BAZ1B: variants seen among roughly 807,000 people sequenced by gnomAD.
The protein encoded by BAZ1B is bromodomain adjacent to zinc finger domain 1B.
Under a neutral mutation model 153.8 loss-of-function variants are expected in BAZ1B, and 22 were observed. That is an observed-to-expected ratio of 0.14 (90% CI 0.10 to 0.20). The LOEUF is 0.20. Among genes scored for constraint, BAZ1B ranks in the 10% least tolerant of loss-of-function variants. The pLI, the probability that BAZ1B is intolerant of heterozygous loss-of-function variation, is 1.00. For missense variants in BAZ1B, 1,325 were observed against 1,799.3 expected (o/e 0.74, Z 4.77); for synonymous variants, 676 against 633.4 (o/e 1.07, Z -1.01).
At chr7:73,486,562 G>A (rs1254086377) in intron 6 of BAZ1B, among the ~76,000 whole-genome samples, 4 of 152,072 alleles carry the variant, frequency 2.6e-5, no homozygotes, top group Non-Finnish European at 5.9e-5. Flanking sequence ...TCCTGACCTC[G>A]TGATCCGCCC....
chr7:73,502,326 T>C (rs1024541761), intron 3 of BAZ1B, among the ~76,000 whole-genome samples: 1 of 152,074 alleles, frequency 6.6e-6, no homozygotes, highest in Non-Finnish European at 1.5e-5. Flanking sequence ...GGACAATGTT[T>C]GTGGCACGCT....
intron 10 of BAZ1B, 148 bp downstream of exon 10, chr7:73,466,148 T>C (rs190765728): frequency 4.3e-4 from 249 of 582,040 alleles, no homozygotes; most frequent in East Asian, 3.5e-3. Context: ...GGTCTGCTAA[T>C]GCAAGAAGTT....
intron 1 of BAZ1B, among the ~76,000 whole-genome samples, chr7:73,514,168 T>C (rs1474548106): frequency 2.6e-5 from 4 of 152,134 alleles, no homozygotes; most frequent in African/African-American, 9.7e-5. Context: ...TTCTGATTTA[T>C]GGATTTGGGA....
In BAZ1B at chr7:73,444,065, C is replaced by T. The variant is rs782431272; in HGVS notation, c.3909G>A (p.Arg1303=). The T allele has an allele frequency of 6.2e-7, 1 of 1,613,646 alleles. No homozygotes were observed. The change falls in exon 17 of 20, where the codon CGG becomes CGA. Residue 1303 remains arginine, a synonymous_variant. Transcript: ENST00000339594. ...SVIPPAARSG[R]RPGKKPHSTR... is the part of the protein sequence containing the mutation. ...TAGAGTGTGGCTTCTTACCCGGGCG[C>T]CGGCCTGACCTTGCTGCAGGGGGGA...
At chr7:73,472,401 G>C (rs1408148249) in intron 7 of BAZ1B, among the ~76,000 whole-genome samples, 1 of 152,080 alleles carries the variant, frequency 6.6e-6, no homozygotes, top group Non-Finnish European at 1.5e-5. Context: ...TGGGATTACA[G>C]GCATGTGTCA....
At chr7:73,453,407 A>T (rs1368982143) in intron 13 of BAZ1B, among the ~76,000 whole-genome samples, 2 of 152,270 alleles carry the variant, frequency 1.3e-5, no homozygotes, top group East Asian at 3.8e-4. Flanking sequence ...ACTGTGGAAC[A>T]CAGTACTTCA....
chr7:73,492,665 T>G (rs1789699083), intron 5 of BAZ1B, 135 bp downstream of exon 5: 1 of 816,796 alleles, frequency 1.2e-6, no homozygotes, highest in Non-Finnish European at 1.8e-6. Context: ...TTAATTACTG[T>G]AACTACAAAA....
chr7:73,510,657 A>G, intron 2 of BAZ1B, 79 bp downstream of exon 2: 1 of 1,350,356 alleles, frequency 7.4e-7, no homozygotes, highest in Non-Finnish European at 1.1e-6. Context: ...TTAAATACAC[A>G]TACTGCTTTA....
rs1261015509 is a variant in BAZ1B at position 73,441,296 on chromosome 7, G to A, written c.*413C>T. Reference sequence around the variant, plus strand: ...ATGTTCTTTATACAATATCACTGCTGAAACAAGCAACTTTTAATAACTAGA... The same window carrying A: ...ATGTTCTTTATACAATATCACTGCTAAAACAAGCAACTTTTAATAACTAGA... On this transcript the variant is annotated 3_prime_UTR_variant, in exon 20 of 20. Coordinates refer to ENST00000339594, the MANE Select transcript of BAZ1B (RefSeq NM_032408.4). The A allele has an allele frequency of 6.6e-6, 1 of 152,544 alleles. No individual in the cohort carries two copies. The highest frequency in any genetic ancestry group is 1.5e-5 in the Non-Finnish European group (1 of 68,042). 9.4% of individuals were successfully genotyped at this position (152,544 alleles called of 1,614,324 possible).
intron 12 of BAZ1B, chr7:73,462,512 G>A (rs909645920): frequency 1.2e-5 from 3 of 241,994 alleles, no homozygotes; most frequent in Non-Finnish European, 2.4e-5. Flanking sequence ...GACAACATGA[G>A]TGATGCCCAA....
intron 18 of BAZ1B, 63 bp from the exon 19 acceptor site, chr7:73,442,616 A>G: frequency 3.9e-6 from 6 of 1,558,160 alleles, no homozygotes; most frequent in Admixed American, 1.9e-5. Flanking sequence ...TGCCACTGAG[A>G]CACGTCCTGA....
intron 1 of BAZ1B, among the ~76,000 whole-genome samples, chr7:73,517,575 A>G (rs1554579549): frequency 6.6e-6 from 1 of 152,208 alleles, no homozygotes; most frequent in African/African-American, 2.4e-5. Flanking sequence ...CATCAGAAGG[A>G]TATTGAGTCA....
In BAZ1B at chr7:73,507,670, T is replaced by C. The variant is rs554284584; in HGVS notation, c.369+657A>G. 3.5e-3 allele frequency among the ~76,000 whole-genome samples: 530 copies of C among 152,290 alleles called. 4 individuals are homozygous for C. Among genetic ancestry groups the C allele is most frequent in the African/African-American group, 0.012 (509 of 41,576 alleles). On this transcript the variant is annotated intron_variant, in intron 3 of 19. Coordinates refer to ENST00000339594, the MANE Select transcript of BAZ1B (RefSeq NM_032408.4). ...CAACAAAGTGTTGCAATTATTACAATACTAAAACATTCTCAGTGATGAATG... is the reference window on the plus strand; with the variant it reads ...CAACAAAGTGTTGCAATTATTACAACACTAAAACATTCTCAGTGATGAATG...
At chr7:73,490,533 A>G (rs782295875) in intron 5 of BAZ1B, among the ~76,000 whole-genome samples, 3 of 152,032 alleles carry the variant, frequency 2.0e-5, no homozygotes, top group Non-Finnish European at 2.9e-5. Flanking sequence ...ACCAATACTT[A>G]TATTTGTGAA....
rs1789091146 is a variant in BAZ1B, at chr7:73,478,816, G to A, written c.892-247C>T. On this transcript the variant is annotated intron_variant, in intron 6 of 19. Transcript: ENST00000339594. ...ACATTTTTGCTATGTAACTAGTTCT[G>A]TTTATGTATATTAATGATTCTTAAA... Among the ~76,000 whole-genome samples the A allele has an allele frequency of 2.6e-5, 4 of 152,210 alleles. No individual in the cohort carries two copies. The South Asian group carries it at 8.3e-4, about 32-fold the overall frequency.
At chr7:73,493,917 G>A (rs1239988001) in intron 4 of BAZ1B, among the ~76,000 whole-genome samples, 1 of 151,890 alleles carries the variant, frequency 6.6e-6, no homozygotes, top group East Asian at 1.9e-4. Context: ...GCAATAAGGT[G>A]TGGTTAAATA....
chr7:73,468,054 A>G (rs565975774), intron 9 of BAZ1B, among the ~76,000 whole-genome samples: 2 of 152,332 alleles, frequency 1.3e-5, no homozygotes, highest in Admixed American at 1.3e-4. Flanking sequence ...TTCAAGCTTG[A>G]GTTAGGAATT....
intron 13 of BAZ1B, among the ~76,000 whole-genome samples, chr7:73,452,767 C>G (rs1162259514): frequency 6.6e-6 from 1 of 151,286 alleles, no homozygotes; most frequent in Non-Finnish European, 1.5e-5. Context: ...GCAGGCTCCT[C>G]GACTTATGAT....
chr7:73,469,459 T>C, intron 9 of BAZ1B, 58 bp downstream of exon 9: 5 of 1,597,174 alleles, frequency 3.1e-6, no homozygotes, highest in Non-Finnish European at 4.3e-6. Flanking sequence ...AAGCAGTCCT[T>C]AATGTTGAGC....
Sources: allele counts gnomAD v4.1 joint callset (sites outside exome capture counted in the v4.1 genomes callset), GRCh38; gene constraint gnomAD v4.1.1; transcripts MANE v1.5; gene names NCBI Gene and HGNC (gene_info 2026-07-23, HGNC 2026-07-21).